The following GLMN variants were observed in gnomAD, a reference collection of about 807,000 sequenced individuals.
GLMN encodes glomulin, FKBP associated protein.
In GLMN, 75 loss-of-function variants were observed where a neutral mutation model predicts 87.8. That is an observed-to-expected ratio of 0.85 (90% CI 0.71 to 1.04). The LOEUF is 1.04. Among genes scored for constraint, GLMN ranks in the 50% least tolerant of loss-of-function variants. The probability of loss-of-function intolerance (pLI) is 0.00; values close to 1 mark genes in which losing one functional copy is unlikely to be tolerated. For synonymous variants in GLMN, 206 were observed against 221.6 expected (o/e 0.93, Z 0.63); for missense variants, 588 against 658.8 (o/e 0.89, Z 1.18).
chr1:92,267,327 T>C (rs1484863838), intron 11 of GLMN, among the ~76,000 whole-genome samples: 1 of 152,234 alleles, frequency 6.6e-6, no homozygotes, highest in Non-Finnish European at 1.5e-5. Context: ...AAGAAAGTTA[T>C]GCTTTTCTAC....
the GLMN span, among the ~76,000 whole-genome samples, chr1:92,322,058 G>A: frequency 6.8e-6 from 1 of 147,848 alleles, no homozygotes. Flanking sequence ...CAGTTCTCCT[G>A]CCTCAGCCTC....
At chr1:92,260,258 A>C (rs1654853168) in intron 16 of GLMN, among the ~76,000 whole-genome samples, 2 of 152,150 alleles carry the variant, frequency 1.3e-5, no homozygotes, top group African/African-American at 4.8e-5. Flanking sequence ...TCTTATGGTA[A>C]CTTATAAAGC....
At chr1:92,251,785 T>A (rs553452564) in intron 16 of GLMN, among the ~76,000 whole-genome samples, 3 of 134,458 alleles carry the variant, frequency 2.2e-5, no homozygotes, top group Non-Finnish European at 3.1e-5. Flanking sequence ...TTAAATCTGA[T>A]TCCCAAAACT....
At chr1:92,304,001 T>C in the GLMN span, 1 of 1,612,370 alleles carries the variant, frequency 6.2e-7, no homozygotes, top group Non-Finnish European at 8.5e-7. Context: ...ACCTGCTCAC[T>C]ACAGTGATGT....
chr1:92,248,321 C>T lies in GLMN; in HGVS notation c.1474-332G>A, dbSNP rs889518218. 3.7e-5 allele frequency: 8 copies of T among 218,866 alleles called. No homozygotes were observed. In the South Asian group the frequency reaches 5.4e-4, roughly 15 times the overall value. 13.6% of individuals were successfully genotyped at this position (218,866 alleles called of 1,614,324 possible). A position where few individuals can be genotyped will look rare whatever the true frequency, so the allele number is the denominator to read the frequency against. On this transcript the variant is annotated intron_variant, in intron 16 of 18. Coordinates refer to ENST00000370360, the MANE Select transcript of GLMN (RefSeq NM_053274.3). Reference sequence around the variant, plus strand: ...ATGAGCCATCTCCACAATGACTCTACCTTATTTATGCCTTCATCCCAAGTA... The same window carrying T: ...ATGAGCCATCTCCACAATGACTCTATCTTATTTATGCCTTCATCCCAAGTA...
chr1:92,324,775 G>C, the GLMN span, among the ~76,000 whole-genome samples: 4 of 152,058 alleles, frequency 2.6e-5, no homozygotes, highest in Non-Finnish European at 4.4e-5. Context: ...GAATAGACTT[G>C]GTAGTTACAT....
the GLMN span, among the ~76,000 whole-genome samples, chr1:92,315,090 GGTCTT>G: frequency 1.3e-5 from 2 of 151,942 alleles, no homozygotes; most frequent in East Asian, 1.9e-4. Context: ...GAGAGACAGA[GGTCTT>G]GTCTTGTTGC....
At chr1:92,249,450 C>T (rs978840023) in intron 16 of GLMN, among the ~76,000 whole-genome samples, 1 of 152,060 alleles carries the variant, frequency 6.6e-6, no homozygotes, top group African/African-American at 2.4e-5. Context: ...CTCTTATGTG[C>T]ACTGACTGCT....
At chr1:92,271,376 G>T in intron 8 of GLMN, 89 bp downstream of exon 8, 1 of 910,546 alleles carries the variant, frequency 1.1e-6, no homozygotes. Flanking sequence ...GTATTAGTGT[G>T]TTAATATGCA....
Position 92,295,299 on chromosome 1 carries a change from G to A in GLMN, c.165+2105C>T, listed in dbSNP as rs1462849660. The stretch of plus-strand genomic sequence containing the variant: ...CTCTTCTCTTCTGCCCCTTTTATGT[G>A]AACTCAGGTAAATTCTTGTTTTTTT... On this transcript the variant is annotated intron_variant, in intron 3 of 18. Coordinates refer to ENST00000370360, the MANE Select transcript of GLMN (RefSeq NM_053274.3). Among the ~76,000 whole-genome samples the A allele has an allele frequency of 2.0e-5, 3 of 151,144 alleles. No homozygotes were observed. The East Asian group carries it at 5.9e-4, about 29-fold the overall frequency.
the GLMN span, among the ~76,000 whole-genome samples, chr1:92,319,167 C>A: frequency 6.6e-6 from 1 of 152,244 alleles, no homozygotes; most frequent in East Asian, 1.9e-4. Context: ...GAAATGACAC[C>A]TCTCTGAAAC....
chr1:92,353,552 T>C, the GLMN span, among the ~76,000 whole-genome samples: 2 of 152,232 alleles, frequency 1.3e-5, no homozygotes, highest in Non-Finnish European at 2.9e-5. Context: ...AGTGTTCAAT[T>C]TGAAACCATA....
chr1:92,325,344 T>C, the GLMN span, among the ~76,000 whole-genome samples: 4 of 152,100 alleles, frequency 2.6e-5, no homozygotes, highest in Non-Finnish European at 5.9e-5. Flanking sequence ...AGAAATATAT[T>C]TCTATAGAGT....
At chr1:92,271,345 C>A in intron 8 of GLMN, 120 bp downstream of exon 8, 1 of 775,626 alleles carries the variant, frequency 1.3e-6, no homozygotes, top group South Asian at 1.5e-5. Flanking sequence ...TTAAAAATAG[C>A]CTTTACTATT....
chr1:92,305,432 CAAAAAA>C, the GLMN span, among the ~76,000 whole-genome samples: 2 of 52,688 alleles, frequency 3.8e-5, no homozygotes, highest in East Asian at 1.4e-3. Flanking sequence ...GGCTCCGTCT[CAAAAAA>C]AAAAAAAAAA....
chr1:92,356,585 A>ATTGTTTTTTTTT, the GLMN span, among the ~76,000 whole-genome samples: 1 of 51,784 alleles, frequency 1.9e-5, no homozygotes, highest in African/African-American at 4.7e-5. Flanking sequence ...CTCCTGGCTA[A>ATTGTTTTTTTTT]TTTTTTTTTT....
chr1:92,337,381 G>A, the GLMN span, among the ~76,000 whole-genome samples: 1 of 151,998 alleles, frequency 6.6e-6, no homozygotes, highest in African/African-American at 2.4e-5. Context: ...AAAAACATCA[G>A]TAACCTTTTT....
At chr1:92,259,769 C>G (rs1475930844) in intron 16 of GLMN, among the ~76,000 whole-genome samples, 1 of 116,334 alleles carries the variant, frequency 8.6e-6, no homozygotes, top group Non-Finnish European at 1.6e-5. Flanking sequence ...GACTCTTGCT[C>G]TGTCACCCAG....
intron 7 of GLMN, among the ~76,000 whole-genome samples, chr1:92,279,571 C>G (rs1387802576): frequency 6.6e-6 from 1 of 151,554 alleles, no homozygotes; most frequent in Non-Finnish European, 1.5e-5. Flanking sequence ...GCATTTCCAA[C>G]TGAGGTACCT....
Sources: gnomAD v4.1 joint callset for allele counts (sites outside exome capture counted in the v4.1 genomes callset) on GRCh38, gnomAD v4.1.1 for gene constraint, MANE v1.5 for transcripts, NCBI Gene and HGNC (gene_info 2026-07-23, HGNC 2026-07-21) for gene names.